CYP51A1: variants seen among roughly 807,000 people sequenced by gnomAD.
CYP51A1 encodes cytochrome P450 family 51 subfamily A member 1.
CYP51A1 carries 45 observed loss-of-function variants against 53.5 expected under a neutral mutation model. The ratio of observed to expected loss-of-function variants is 0.84; its 90% CI spans 0.66 to 1.08. CYP51A1 has a LOEUF of 1.08. Ranked by LOEUF, CYP51A1 falls within the 50% of genes least tolerant of loss-of-function variation. The pLI, the probability that CYP51A1 is intolerant of heterozygous loss-of-function variation, is 0.00. For synonymous variants in CYP51A1, 181 were observed against 217.7 expected, an observed-to-expected ratio of 0.83 and a Z score of 1.48; for missense variants, 462 against 621.7, an observed-to-expected ratio of 0.74 and a Z score of 2.73.
chr7:92,126,523 T>C (rs1221167780), intron 4 of CYP51A1, 96 bp from the exon 5 acceptor site: 5 of 1,081,940 alleles, frequency 4.6e-6, no homozygotes, highest in Non-Finnish European at 6.5e-6. Context: ...CAAGATCCTA[T>C]TCATATCATC....
chr7:92,128,428 CTGTGTGTGTG>C (rs1554479142), intron 3 of CYP51A1, among the ~76,000 whole-genome samples: 3 of 143,044 alleles, frequency 2.1e-5, no homozygotes, highest in Non-Finnish European at 3.1e-5. Flanking sequence ...TGGTTGGTTT[CTGTGTGTGTG>C]TGTGTGTGTG....
At chr7:92,116,738 GA>G (rs1819586025) in intron 9 of CYP51A1, among the ~76,000 whole-genome samples, 1 of 152,178 alleles carries the variant, frequency 6.6e-6, no homozygotes, top group Non-Finnish European at 1.5e-5. Context: ...CTTTAAAAGA[GA>G]ATCCACAAAG....
chr7:92,126,253 C>G lies in CYP51A1; in HGVS notation c.770G>C (p.Arg257Thr). 3.1e-6 allele frequency: 5 copies of G among 1,596,468 alleles called. No individual in the cohort carries two copies. Among genetic ancestry groups the G allele is most frequent in the Non-Finnish European group, 4.3e-6 (5 of 1,174,392 alleles). Reference protein sequence around the residue: ...LPGWLPLPSFRRRDRAHREIK... With the variant: ...LPGWLPLPSFTRRDRAHREIK... Reference sequence around the variant, plus strand: ...AGTGTAATATATTCTTTATCCATACCTGAAACTAGGCAAAGGCAGCCAACC... The same window carrying G: ...AGTGTAATATATTCTTTATCCATACGTGAAACTAGGCAAAGGCAGCCAACC... The change falls in exon 5 of 10, where the codon AGA becomes ACA. Residue 257 changes from arginine to threonine, a missense_variant and splice_region_variant. By Grantham distance (71) the Arg-to-Thr change is moderately conservative (BLOSUM62 -1). Transcript: ENST00000003100.
At chr7:92,116,201 G>T (rs1256303038) in intron 9 of CYP51A1, among the ~76,000 whole-genome samples, 1 of 152,170 alleles carries the variant, frequency 6.6e-6, no homozygotes, top group African/African-American at 2.4e-5. Context: ...GAACCCAGAG[G>T]TGGAGGTTGC....
chr7:92,134,687 G>A (rs1179818632), upstream of CYP51A1: 2 of 309,860 alleles, frequency 6.5e-6, no homozygotes, highest in African/African-American at 2.2e-5. Flanking sequence ...ATCAATCCCT[G>A]AGAATCGCGG....
chr7:92,113,105 TTC>T lies in CYP51A1; in HGVS notation c.*558_*559del, dbSNP rs1819488957. On this transcript the variant is annotated 3_prime_UTR_variant, in exon 10 of 10. Coordinates refer to ENST00000003100, the MANE Select transcript of CYP51A1 (RefSeq NM_000786.4). ...GATTTTAGTTAAAATTCCAAAGGAT[TTC>T]TTTTTCCTATAATATCTCCATTTCT... 1 of 152,224 alleles carries T rather than the reference TTC, an allele frequency of 6.6e-6. No individual in the cohort carries two copies. The highest frequency in any genetic ancestry group is 2.4e-5 in the African/African-American group (1 of 41,448). 9.4% of individuals were successfully genotyped at this position (152,224 alleles called of 1,614,324 possible).
intron 8 of CYP51A1, 44 bp downstream of exon 8, chr7:92,118,475 TA>T: frequency 9.5e-7 from 1 of 1,047,584 alleles, no homozygotes; most frequent in Non-Finnish European, 1.5e-6. Flanking sequence ...TTCTTTTTGA[TA>T]AAAACTGGGG....
At chr7:92,128,455 TGC>T (rs66941970) in intron 3 of CYP51A1, among the ~76,000 whole-genome samples, 11 of 101,984 alleles carry the variant, frequency 1.1e-4, no homozygotes, top group Admixed American at 3.6e-4. Flanking sequence ...TGTGTGTGTG[TGC>T]GCGTGCGTGT....
At chr7:92,131,748 T>C in intron 2 of CYP51A1, 26 bp downstream of exon 2, 1 of 1,235,476 alleles carries the variant, frequency 8.1e-7, no homozygotes, top group East Asian at 2.4e-5. Flanking sequence ...TTTTTTTTTT[T>C]TCCTCTAATT....
chr7:92,134,383 T>C lies in CYP51A1; in HGVS notation c.-19A>G, dbSNP rs780153465. ...CCGCCATTCACTCCGTCGGAAACACTGAAGGCCGAGGTCGCCACCGCTCCT... is the reference window on the plus strand; with the variant it reads ...CCGCCATTCACTCCGTCGGAAACACCGAAGGCCGAGGTCGCCACCGCTCCT... On this transcript the variant is annotated 5_prime_UTR_variant, in exon 1 of 10. Coordinates refer to ENST00000003100, the MANE Select transcript of CYP51A1 (RefSeq NM_000786.4). 4 of 1,553,472 alleles carry C rather than the reference T, an allele frequency of 2.6e-6. No individual in the cohort carries two copies. Among genetic ancestry groups the C allele is most frequent in the South Asian group, 1.2e-5 (1 of 84,252 alleles).
chr7:92,128,143 T>TA (rs1819838787), intron 3 of CYP51A1, among the ~76,000 whole-genome samples: 1 of 152,180 alleles, frequency 6.6e-6, no homozygotes, highest in Non-Finnish European at 1.5e-5. Context: ...AAACAGCGCT[T>TA]ATGTTAGAAT....
intron 2 of CYP51A1, among the ~76,000 whole-genome samples, chr7:92,129,873 G>A (rs768455432): frequency 3.3e-5 from 5 of 152,148 alleles, no homozygotes; most frequent in Non-Finnish European, 5.9e-5. Context: ...TGAGGAGCTG[G>A]TTTGGTAGCT....
chr7:92,131,724 A>G lies in CYP51A1; in HGVS notation c.291+50T>C, dbSNP rs202056168. 5.8e-4 allele frequency: 576 copies of G among 997,536 alleles called. 3 individuals carry two copies. The African/African-American group carries it at 8.9e-3, about 15-fold the overall frequency. The allele number at this position is 997,536 out of a possible 1,614,324, so 61.8% of individuals were successfully genotyped here. On this transcript the variant is annotated intron_variant, in intron 2 of 9. Coordinates refer to ENST00000003100, the MANE Select transcript of CYP51A1 (RefSeq NM_000786.4). ...ACTTTTTTAAAAAAGTTTAAAAAGC[A>G]CTTCTCTAGTTGTTTTTTTTTTTTT... is the stretch of plus-strand genomic sequence containing the variant.
At chr7:92,114,796 T>G (rs886958782) in intron 9 of CYP51A1, among the ~76,000 whole-genome samples, 3 of 152,198 alleles carry the variant, frequency 2.0e-5, no homozygotes, top group African/African-American at 7.2e-5. Flanking sequence ...TACATTGGAC[T>G]AAACTAAAGG....
intron 1 of CYP51A1, among the ~76,000 whole-genome samples, chr7:92,132,808 A>C (rs926617372): frequency 1.1e-4 from 16 of 152,228 alleles, no homozygotes; most frequent in Non-Finnish European, 4.4e-5. Flanking sequence ...AGCATTCTTC[A>C]TAAAAGTTTC....
At position 92,128,937 on chromosome 7, in the gene CYP51A1, G is replaced by C; in HGVS notation, c.411C>G (p.Tyr137Ter). 1.9e-6 allele frequency: 3 copies of C among 1,612,664 alleles called. No homozygotes were observed. The highest frequency in any genetic ancestry group is 2.5e-6 in the Non-Finnish European group (3 of 1,179,850). ...CAAACACAGGTGTTGTCAGGCGACT[G>C]TAGACATCTTCTGCATTCAGGTCTT... Reference protein sequence around the residue: ...KNEDLNAEDVYSRLTTPVFGK... With the variant: ...KNEDLNAEDV The change falls in exon 3 of 10, where the codon TAC becomes TAG. Residue 137 changes from tyrosine to a stop codon, truncating the protein, a stop_gained. Coordinates refer to ENST00000003100, the MANE Select transcript of CYP51A1 (RefSeq NM_000786.4). LOFTEE classifies it high-confidence loss of function.
Position 92,127,700 on chromosome 7 carries a change from G to T in CYP51A1, c.469-69C>A, listed in dbSNP as rs1453917924. 7 of 1,510,162 alleles carry T rather than the reference G, an allele frequency of 4.6e-6. No homozygotes were observed. In the Admixed American group the frequency reaches 8.8e-5, roughly 19 times the overall value. The allele number at this position is 1,510,162 out of a possible 1,614,324, so 93.5% of individuals were successfully genotyped here. On this transcript the variant is annotated intron_variant, in intron 3 of 9. Coordinates refer to ENST00000003100, the MANE Select transcript of CYP51A1 (RefSeq NM_000786.4). The stretch of plus-strand genomic sequence containing the variant: ...TTTGTTTTATCATAAAATCCATTTA[G>T]GTTATTATAATTATGTAACACTAAC...
rs1819742706 is a variant in CYP51A1 at position 92,123,866 on chromosome 7, G to C, written c.771-13C>G. The C allele has an allele frequency of 2.6e-6, 4 of 1,557,610 alleles. No individual in the cohort carries two copies. The highest frequency in any genetic ancestry group is 1.4e-5 in the African/African-American group (1 of 71,394). ...TCTGTCCCTGCGTCTGTAATTAAAA[G>C]ATAAAGATGATTTTCTTAAATAAAG... On this transcript the variant is annotated splice_polypyrimidine_tract_variant and intron_variant, in intron 5 of 9. Transcript: ENST00000003100.
At position 92,127,612 on chromosome 7, in the gene CYP51A1, T is replaced by G; in HGVS notation, c.488A>C (p.Lys163Thr). ...TATGTTAAGGCCACTTTTTAACATT[T>G]TCTTCTGCTCCAAGAAAACCTTCAA... ...VPNPVFLEQK[K>T]MLKSGLNIAH... The change falls in exon 4 of 10, where the codon AAA becomes ACA. Residue 163 changes from lysine (K) to threonine (T), a missense_variant. By Grantham distance (78) the Lys-to-Thr change is moderately conservative (BLOSUM62 -1). Coordinates refer to ENST00000003100, the MANE Select transcript of CYP51A1 (RefSeq NM_000786.4). The G allele has an allele frequency of 6.2e-7, 1 of 1,613,726 alleles. No homozygotes were observed. Among genetic ancestry groups the G allele is most frequent in the Non-Finnish European group, 8.5e-7 (1 of 1,179,838 alleles).
Sources: allele counts gnomAD v4.1 joint callset (sites outside exome capture counted in the v4.1 genomes callset), GRCh38; gene constraint gnomAD v4.1.1; transcripts MANE v1.5; gene names NCBI Gene and HGNC (gene_info 2026-07-23, HGNC 2026-07-21).